The following CCDC13 variants were observed in gnomAD, a reference collection of about 807,000 sequenced individuals.
CCDC13 encodes coiled-coil domain-containing protein 13.
A neutral mutation model predicts 87.3 loss-of-function variants in CCDC13; 70 were observed. That is an observed-to-expected ratio of 0.80 (90% CI 0.66 to 0.98). The LOEUF (loss-of-function observed/expected upper bound fraction) is 0.98. Ranked by LOEUF, CCDC13 falls within the 50% of genes least tolerant of loss-of-function variation. The pLI, the probability that CCDC13 is intolerant of heterozygous loss-of-function variation, is 0.00. For synonymous variants in CCDC13, 317 were observed against 360.3 expected (o/e 0.88, Z 1.36); for missense variants, 842 against 892.0 (o/e 0.94, Z 0.71).
intron 13 of CCDC13, chr3:42,714,028 T>G (rs1226681434): frequency 6.6e-6 from 1 of 152,292 alleles, no homozygotes; most frequent in Non-Finnish European, 1.5e-5. Flanking sequence ...GAGGTCCCTG[T>G]TCCCTGCAGG....
intron 3 of CCDC13, among the ~76,000 whole-genome samples, chr3:42,753,242 G>A (rs1288493468): frequency 1.3e-5 from 2 of 152,194 alleles, no homozygotes; most frequent in Non-Finnish European, 2.9e-5. Flanking sequence ...TACCTGGCTG[G>A]CTGGTCTCAA....
At chr3:42,758,923 T>G (rs548809623) in intron 1 of CCDC13, among the ~76,000 whole-genome samples, 3 of 152,256 alleles carry the variant, frequency 2.0e-5, no homozygotes, top group East Asian at 1.9e-4. Context: ...CCCCTTCCAG[T>G]GAATCATCCC....
chr3:42,766,370 GA>G (rs1699932775), intron 1 of CCDC13, among the ~76,000 whole-genome samples: 2 of 143,076 alleles, frequency 1.4e-5, no homozygotes, highest in Non-Finnish European at 3.1e-5. Flanking sequence ...GAGAGGGAAG[GA>G]GAGGGAAGAG....
At chr3:42,738,070 C>T (rs1699086476) in intron 9 of CCDC13, among the ~76,000 whole-genome samples, 1 of 152,170 alleles carries the variant, frequency 6.6e-6, no homozygotes, top group Non-Finnish European at 1.5e-5. Context: ...TTTAATCCAT[C>T]TTGAATTAAT....
Position 42,726,593 on chromosome 3 carries a change from T to G in CCDC13, c.1718+3874A>C, listed in dbSNP as rs534512954. Among the ~76,000 whole-genome samples the G allele has an allele frequency of 3.9e-5, 6 of 152,212 alleles. No individual in the cohort carries two copies. In the South Asian group the frequency reaches 6.2e-4, roughly 16 times the overall value. ...ATGGACAGCAGTCCTTGGGAATATATAAAGTCCTTGGATTGAAAAAGAACA... is the reference window on the plus strand; with the variant it reads ...ATGGACAGCAGTCCTTGGGAATATAGAAAGTCCTTGGATTGAAAAAGAACA... On this transcript the variant is annotated intron_variant, in intron 13 of 15. Coordinates refer to ENST00000310232, the MANE Select transcript of CCDC13 (RefSeq NM_144719.4).
chr3:42,730,325 C>T (rs1698793957), intron 13 of CCDC13, 142 bp downstream of exon 13: 7 of 1,182,444 alleles, frequency 5.9e-6, no homozygotes, highest in South Asian at 1.6e-5. Context: ...TTGTGGGGCG[C>T]ATGAGTTGTG....
At chr3:42,752,295 C>CT (rs945481961) in intron 4 of CCDC13, among the ~76,000 whole-genome samples, 87 of 152,298 alleles carry the variant, frequency 5.7e-4, no homozygotes, top group African/African-American at 2.0e-3. Flanking sequence ...CACTTATAAT[C>CT]TGTCTCCTGA....
chr3:42,739,869 G>T, intron 8 of CCDC13, 59 bp from the exon 9 acceptor site: 12 of 1,500,584 alleles, frequency 8.0e-6, no homozygotes, highest in Non-Finnish European at 1.1e-5. Context: ...GGCCACATCT[G>T]CTCCCTGGCT....
intron 13 of CCDC13, among the ~76,000 whole-genome samples, chr3:42,730,209 C>T (rs574273857): frequency 5.3e-5 from 8 of 152,252 alleles, no homozygotes; most frequent in East Asian, 3.9e-4. Flanking sequence ...GTCTCTCCCC[C>T]GAGACTCCCA....
intron 13 of CCDC13, among the ~76,000 whole-genome samples, chr3:42,728,006 G>A (rs565109746): frequency 2.0e-5 from 3 of 152,318 alleles, no homozygotes; most frequent in African/African-American, 7.2e-5. Context: ...TTAAATTTAA[G>A]AACAAAGCCG....
chr3:42,730,835 C>T (rs1219066013), intron 12 of CCDC13, among the ~76,000 whole-genome samples: 1 of 152,118 alleles, frequency 6.6e-6, no homozygotes, highest in African/African-American at 2.4e-5. Flanking sequence ...TACCTCTGTC[C>T]ATCCAAGCCC....
chr3:42,727,189 T>C (rs1015367495), intron 13 of CCDC13, among the ~76,000 whole-genome samples: 2 of 151,950 alleles, frequency 1.3e-5, no homozygotes, highest in South Asian at 4.1e-4. Flanking sequence ...CTGGCCAACA[T>C]GGTGAAACCC....
At chr3:42,754,895 C>T (rs1414138476) in intron 3 of CCDC13, among the ~76,000 whole-genome samples, 4 of 152,060 alleles carry the variant, frequency 2.6e-5, no homozygotes, top group Admixed American at 2.6e-4. Flanking sequence ...AAGCTGCAAC[C>T]CCTTGATAAA....
At chr3:42,736,624 T>C (rs1201226527) in intron 9 of CCDC13, among the ~76,000 whole-genome samples, 1 of 152,192 alleles carries the variant, frequency 6.6e-6, no homozygotes, top group East Asian at 1.9e-4. Context: ...GGGATGCGAC[T>C]GGCCTATGGT....
chr3:42,762,863 A>C (rs1219037617), intron 1 of CCDC13, among the ~76,000 whole-genome samples: 1 of 152,172 alleles, frequency 6.6e-6, no homozygotes, highest in African/African-American at 2.4e-5. Flanking sequence ...GTGGAAGCAC[A>C]GCTTGAGCCC....
chr3:42,728,042 A>ATATT (rs1698730584), intron 13 of CCDC13, among the ~76,000 whole-genome samples: 1 of 152,382 alleles, frequency 6.6e-6, no homozygotes. Flanking sequence ...AAAAAGAGAC[A>ATATT]TATTTAGTGA....
At chr3:42,732,101 G>A (rs1167234890) in intron 12 of CCDC13, among the ~76,000 whole-genome samples, 2 of 152,222 alleles carry the variant, frequency 1.3e-5, no homozygotes, top group Admixed American at 6.5e-5. Context: ...CCACCCTAAG[G>A]AGCGTGGCAC....
intron 13 of CCDC13, among the ~76,000 whole-genome samples, chr3:42,727,647 A>G (rs577803317): frequency 8.5e-5 from 13 of 152,316 alleles, no homozygotes; most frequent in African/African-American, 2.2e-4. Flanking sequence ...GAAGAGAAAT[A>G]TTAGGAAACA....
intron 3 of CCDC13, among the ~76,000 whole-genome samples, chr3:42,755,898 C>G (rs1699694089): frequency 6.6e-6 from 1 of 152,186 alleles, no homozygotes; most frequent in Non-Finnish European, 1.5e-5. Context: ...ATCAGCTTCT[C>G]TACAGCCTTG....
Sources: allele counts gnomAD v4.1 joint callset (sites outside exome capture counted in the v4.1 genomes callset), GRCh38; gene constraint gnomAD v4.1.1; transcripts MANE v1.5; gene names NCBI Gene and HGNC (gene_info 2026-07-23, HGNC 2026-07-21).